DLG2: variants seen among roughly 807,000 people sequenced by gnomAD.
The protein encoded by DLG2 is discs large MAGUK scaffold protein 2.
A neutral mutation model predicts 132.5 loss-of-function variants in DLG2; 45 were observed. The ratio of observed to expected loss-of-function variants is 0.34; its 90% CI spans 0.27 to 0.44. The LOEUF is 0.44. Ranked by LOEUF, DLG2 falls within the 20% of genes least tolerant of loss-of-function variation. The probability of loss-of-function intolerance (pLI) is 1.00; values close to 1 mark genes in which losing one functional copy is unlikely to be tolerated. For synonymous variants in DLG2, 424 were observed against 419.6 expected (o/e 1.01, Z -0.13); for missense variants, 1,045 against 1,196.9 (o/e 0.87, Z 1.87).
chr11:84,866,260 A>G (rs1157135848), intron 6 of DLG2, among the ~76,000 whole-genome samples: 2 of 152,162 alleles, frequency 1.3e-5, no homozygotes, highest in Non-Finnish European at 2.9e-5. Context: ...CTGATCAAGT[A>G]TGTGTCTGTC....
intron 6 of DLG2, among the ~76,000 whole-genome samples, chr11:84,811,275 T>G (rs2076530904): frequency 6.6e-6 from 1 of 152,140 alleles, no homozygotes; most frequent in Non-Finnish European, 1.5e-5. Flanking sequence ...TGTGTGCATA[T>G]GCATGAGTAT....
Position 84,835,734 on chromosome 11 carries a change from A to G in DLG2, c.357+275927T>C, listed in dbSNP as rs552476523. On this transcript the variant is annotated intron_variant, in intron 6 of 27. Transcript: ENST00000376104. The stretch of plus-strand genomic sequence containing the variant: ...TTTCAAATGGTAGCTATCTATATAC[A>G]TCATAGTCATTTATTTATTTCAAAG... Among the ~76,000 whole-genome samples the G allele has an allele frequency of 4.6e-5, 7 of 151,852 alleles. 1 individual carries two copies. The highest frequency in any genetic ancestry group is 3.9e-4 in the Admixed American group (6 of 15,200).
chr11:84,984,725 C>T (rs1014258854), intron 6 of DLG2, among the ~76,000 whole-genome samples: 2 of 152,130 alleles, frequency 1.3e-5, no homozygotes, highest in African/African-American at 4.8e-5. Context: ...AATTCATTCT[C>T]TGCTGCCTTC....
intron 3 of DLG2, among the ~76,000 whole-genome samples, chr11:85,581,028 G>T (rs1169814171): frequency 6.6e-6 from 1 of 152,020 alleles, no homozygotes; most frequent in African/African-American, 2.4e-5. Flanking sequence ...CTAATGGGGG[G>T]GCACCAGCAG....
At position 83,885,025 on chromosome 11, in the gene DLG2, T is replaced by C. The variant is rs1479094598; in HGVS notation, c.1497-10537A>G. On this transcript the variant is annotated intron_variant, in intron 15 of 27. Transcript: ENST00000376104. ...AACAGAACAGAAAAACTGGAAACTCTAAAAAGCAGAGCGCCTCTCCTCCTC... is the reference window on the plus strand; with the variant it reads ...AACAGAACAGAAAAACTGGAAACTCCAAAAAGCAGAGCGCCTCTCCTCCTC... Among the ~76,000 whole-genome samples the C allele has an allele frequency of 2.6e-5, 4 of 152,250 alleles. No homozygotes were observed. The South Asian group carries it at 8.3e-4, about 32-fold the overall frequency.
intron 19 of DLG2, chr11:83,631,410 T>C (rs2063539180): frequency 6.6e-6 from 1 of 152,026 alleles, no homozygotes; most frequent in African/African-American, 2.4e-5. Flanking sequence ...GAGATTTCAT[T>C]TGGGGACTTT....
At position 85,532,699 on chromosome 11, in the gene DLG2, G is replaced by C. The variant is rs1033409835; in HGVS notation, c.40+65958C>G. 2.6e-5 allele frequency among the ~76,000 whole-genome samples: 4 copies of C among 152,246 alleles called. No homozygotes were observed. In the East Asian group the frequency reaches 5.8e-4, roughly 22 times the overall value. Reference sequence around the variant, plus strand: ...ATCTGTTAATAGCTCCACTGGAAGAGAATACTCTTCCAACTTAGACAGTAA... The same window carrying C: ...ATCTGTTAATAGCTCCACTGGAAGACAATACTCTTCCAACTTAGACAGTAA... On this transcript the variant is annotated intron_variant, in intron 3 of 27. Coordinates refer to ENST00000376104, the MANE Select transcript of DLG2 (RefSeq NM_001142699.3).
At chr11:83,787,483 G>C (rs1441662716) in intron 17 of DLG2, among the ~76,000 whole-genome samples, 2 of 151,542 alleles carry the variant, frequency 1.3e-5, no homozygotes, top group Non-Finnish European at 2.9e-5. Context: ...CACCACGCCC[G>C]GCTAATTTTT....
intron 19 of DLG2, among the ~76,000 whole-genome samples, chr11:83,571,357 T>C (rs2096793184): frequency 6.6e-6 from 1 of 151,122 alleles, no homozygotes; most frequent in Non-Finnish European, 1.5e-5. Context: ...AAAAAAAATC[T>C]GGCCTGAATT....
At chr11:83,636,679 G>C (rs1042822785) in intron 18 of DLG2, among the ~76,000 whole-genome samples, 4 of 152,056 alleles carry the variant, frequency 2.6e-5, no homozygotes, top group Admixed American at 2.6e-4. Flanking sequence ...TCTTGTAGCT[G>C]CCTCATTTTT....
chr11:84,442,895 C>T (rs975558899), intron 7 of DLG2, among the ~76,000 whole-genome samples: 7 of 151,974 alleles, frequency 4.6e-5, no homozygotes, highest in African/African-American at 1.5e-4. Flanking sequence ...AAAGGAATAG[C>T]TACATGTCTT....
At position 85,141,493 on chromosome 11, in the gene DLG2, C is replaced by T. The variant is rs531950559; in HGVS notation, c.282+13063G>A. On this transcript the variant is annotated intron_variant, in intron 5 of 27. Transcript: ENST00000376104. ...ATCTATTATCACATGAAAATATTTC[C>T]TCCCATTGTATAATTTGTCTCATTT... 5.3e-5 allele frequency among the ~76,000 whole-genome samples: 8 copies of T among 151,570 alleles called. No homozygotes were observed. The East Asian group carries it at 1.6e-3, about 29-fold the overall frequency.
At chr11:85,045,904 T>G (rs994029500) in intron 6 of DLG2, among the ~76,000 whole-genome samples, 5 of 152,042 alleles carry the variant, frequency 3.3e-5, no homozygotes, top group Admixed American at 6.6e-5. Flanking sequence ...TTATCACTAG[T>G]TGGCAGAGGA....
intron 18 of DLG2, among the ~76,000 whole-genome samples, chr11:83,727,885 T>A (rs1401859926): frequency 6.6e-6 from 1 of 152,176 alleles, no homozygotes; most frequent in East Asian, 1.9e-4. Flanking sequence ...AAAAGTTTAG[T>A]TCAAATTTTA....
At position 84,322,872 on chromosome 11, in the gene DLG2, G is replaced by A. The variant is rs181437964; in HGVS notation, c.520-71581C>T. 3.9e-5 allele frequency among the ~76,000 whole-genome samples: 6 copies of A among 152,228 alleles called. No individual in the cohort carries two copies. The East Asian group carries it at 9.6e-4, about 24-fold the overall frequency. ...CCCAAAGTGCTGAGATTACAGGAGT[G>A]AGCCACCACGCCCAGCCGATAATTT... On this transcript the variant is annotated intron_variant, in intron 7 of 27. Transcript: ENST00000376104.
chr11:84,549,455 T>C (rs185845195), intron 6 of DLG2, among the ~76,000 whole-genome samples: 12 of 152,334 alleles, frequency 7.9e-5, no homozygotes, highest in Admixed American at 1.3e-4. Flanking sequence ...TTTTGCTCAG[T>C]GCACCTGGTG....
chr11:85,524,343 A>G (rs545110085), intron 3 of DLG2, among the ~76,000 whole-genome samples: 1 of 152,290 alleles, frequency 6.6e-6, no homozygotes, highest in East Asian at 1.9e-4. Context: ...CCTGTATCAA[A>G]ATATCTCACA....
At chr11:84,396,343 G>A (rs975471269) in intron 7 of DLG2, among the ~76,000 whole-genome samples, 2 of 152,052 alleles carry the variant, frequency 1.3e-5, no homozygotes, top group Admixed American at 1.3e-4. Context: ...ACCAGCAAAA[G>A]TCCTTAACCA....
At chr11:83,872,874 G>T (rs2063740538) in intron 16 of DLG2, among the ~76,000 whole-genome samples, 1 of 152,098 alleles carries the variant, frequency 6.6e-6, no homozygotes, top group Admixed American at 6.6e-5. Context: ...GGTAAAATTA[G>T]TCCCCACACC....
Sources: gnomAD v4.1 joint callset for allele counts (sites outside exome capture counted in the v4.1 genomes callset) on GRCh38, gnomAD v4.1.1 for gene constraint, MANE v1.5 for transcripts, NCBI Gene and HGNC (gene_info 2026-07-23, HGNC 2026-07-21) for gene names.